Variants in GRIN3A observed in about 807,000 individuals in gnomAD.
GRIN3A encodes glutamate receptor ionotropic, NMDA 3A.
Under a neutral mutation model 92.4 loss-of-function variants are expected in GRIN3A, and 47 were observed. The observed-to-expected ratio is 0.51, with a 90% confidence interval of 0.40 to 0.65. The LOEUF (loss-of-function observed/expected upper bound fraction) is 0.65. Ranked by LOEUF, GRIN3A falls within the 30% of genes least tolerant of loss-of-function variation. GRIN3A has a pLI of 0.00. For missense variants in GRIN3A, 1,324 were observed against 1,393.1 expected (o/e 0.95, Z 0.79); for synonymous variants, 527 against 540.6 (o/e 0.97, Z 0.35).
At chr9:101,718,658 G>A (rs1564151759) in intron 1 of GRIN3A, among the ~76,000 whole-genome samples, 2 of 152,114 alleles carry the variant, frequency 1.3e-5, no homozygotes, top group Non-Finnish European at 1.5e-5. Context: ...ATATAACACT[G>A]AATCACATAG....
chr9:101,670,619 T>C lies in GRIN3A; in HGVS notation c.1793A>G (p.Tyr598Cys). The change falls in exon 3 of 9, where the codon TAT becomes TGT. Residue 598 changes from tyrosine to cysteine, a missense_variant. By Grantham distance (194) the Tyr-to-Cys change is radical. Coordinates refer to ENST00000361820, the MANE Select transcript of GRIN3A (RefSeq NM_133445.3). ...AEDMNFDFDL[Y>C]IVGDGKYGAW... is the part of the protein sequence containing the mutation. ...TCCATACTTTCCATCCCCTACAATATAGAGGTCGAAGTCAAAGTTCATGTC... is the reference window on the plus strand; with the variant it reads ...TCCATACTTTCCATCCCCTACAATACAGAGGTCGAAGTCAAAGTTCATGTC... 6.2e-7 allele frequency: 1 copy of C among 1,614,006 alleles called. No individual in the cohort carries two copies. Among genetic ancestry groups the C allele is most frequent in the Non-Finnish European group, 8.5e-7 (1 of 1,179,942 alleles).
At chr9:101,695,611 G>A (rs1345510957) in intron 1 of GRIN3A, among the ~76,000 whole-genome samples, 1 of 152,140 alleles carries the variant, frequency 6.6e-6, no homozygotes, top group East Asian at 1.9e-4. Flanking sequence ...AAATGTGACA[G>A]CAGAACCTGA....
intron 1 of GRIN3A, among the ~76,000 whole-genome samples, chr9:101,723,311 G>T (rs1434467820): frequency 6.6e-6 from 1 of 152,016 alleles, no homozygotes; most frequent in Non-Finnish European, 1.5e-5. Context: ...TGAAGCTGCA[G>T]ACCTTCGCGG....
At chr9:101,594,381 TG>T in intron 6 of GRIN3A, 1 of 1,558,942 alleles carries the variant, frequency 6.4e-7, no homozygotes, top group Non-Finnish European at 8.7e-7. Flanking sequence ...AAGCAGAAGT[TG>T]TTGGGTGGTG....
intron 3 of GRIN3A, among the ~76,000 whole-genome samples, chr9:101,658,701 G>T (rs1051029270): frequency 4.0e-5 from 6 of 151,806 alleles, no homozygotes; most frequent in Non-Finnish European, 2.9e-5. Context: ...CTGAAAGTAA[G>T]CTATGAATAA....
intron 1 of GRIN3A, among the ~76,000 whole-genome samples, chr9:101,723,896 C>T (rs1830046960): frequency 6.6e-6 from 1 of 152,242 alleles, no homozygotes; most frequent in South Asian, 2.1e-4. Context: ...AAAGGTTCTC[C>T]AAGGTCCCAC....
chr9:101,606,906 ATTTTTTTTTTTT>A (rs536780165), intron 6 of GRIN3A, among the ~76,000 whole-genome samples: 2 of 86,202 alleles, frequency 2.3e-5, no homozygotes, highest in Admixed American at 1.4e-4. Flanking sequence ...AAAAAATTAC[ATTTTTTTTTTTT>A]TTTTTTTTTT....
chr9:101,607,216 A>G (rs377726127), intron 6 of GRIN3A, among the ~76,000 whole-genome samples: 1 of 152,044 alleles, frequency 6.6e-6, no homozygotes, highest in African/African-American at 2.4e-5. Context: ...CTCTGGGGCT[A>G]CAAAGAGATG....
intron 3 of GRIN3A, among the ~76,000 whole-genome samples, chr9:101,640,681 G>A (rs1197010336): frequency 6.6e-6 from 1 of 152,148 alleles, no homozygotes; most frequent in South Asian, 2.1e-4. Flanking sequence ...GGAGGTAATT[G>A]AATCATGGGA....
chr9:101,658,822 G>C (rs574068228), intron 3 of GRIN3A, among the ~76,000 whole-genome samples: 4 of 150,810 alleles, frequency 2.7e-5, no homozygotes, highest in Admixed American at 2.6e-4. Flanking sequence ...CTTGTATTCA[G>C]TTGTGATTGA....
At chr9:101,683,010 T>C (rs1002284342) in intron 2 of GRIN3A, among the ~76,000 whole-genome samples, 3 of 152,166 alleles carry the variant, frequency 2.0e-5, no homozygotes, top group Admixed American at 6.5e-5. Flanking sequence ...AAACAAAACT[T>C]GTAAATATAT....
chr9:101,707,903 G>A (rs571377497), intron 1 of GRIN3A, among the ~76,000 whole-genome samples: 6 of 152,206 alleles, frequency 3.9e-5, no homozygotes, highest in South Asian at 2.1e-4. Flanking sequence ...CATGAAGGCC[G>A]AAGTTGCTCA....
At chr9:101,621,571 A>C (rs1308357458) in intron 5 of GRIN3A, among the ~76,000 whole-genome samples, 1 of 152,172 alleles carries the variant, frequency 6.6e-6, no homozygotes, top group Admixed American at 6.5e-5. Flanking sequence ...TCCATGCACC[A>C]TTTTGTGCTC....
intron 5 of GRIN3A, among the ~76,000 whole-genome samples, chr9:101,618,226 G>T (rs567760104): frequency 6.8e-6 from 1 of 147,348 alleles, no homozygotes; most frequent in African/African-American, 2.7e-5. Flanking sequence ...TACAGCAAAA[G>T]AAACTACCAT....
At chr9:101,665,299 C>T (rs955352531) in intron 3 of GRIN3A, among the ~76,000 whole-genome samples, 5 of 151,594 alleles carry the variant, frequency 3.3e-5, no homozygotes, top group East Asian at 1.9e-4. Context: ...AGTTTTAGGG[C>T]GCACAATTAT....
chr9:101,641,264 G>C (rs1429503496), intron 3 of GRIN3A, among the ~76,000 whole-genome samples: 3 of 152,116 alleles, frequency 2.0e-5, no homozygotes, highest in African/African-American at 7.2e-5. Flanking sequence ...AATACCATTT[G>C]ACCCAGCCAT....
chr9:101,668,991 A>T (rs561418533), intron 3 of GRIN3A, among the ~76,000 whole-genome samples: 1 of 152,290 alleles, frequency 6.6e-6, no homozygotes, highest in South Asian at 2.1e-4. Flanking sequence ...GCATTTGGAA[A>T]AGCCTGTGAA....
intron 6 of GRIN3A, among the ~76,000 whole-genome samples, chr9:101,582,619 T>C (rs1827902453): frequency 6.6e-6 from 1 of 152,192 alleles, no homozygotes; most frequent in Admixed American, 6.5e-5. Context: ...AAATAGTCCT[T>C]GACCTAGACC....
At chr9:101,693,266 T>G (rs984459760) in intron 1 of GRIN3A, among the ~76,000 whole-genome samples, 1 of 130,514 alleles carries the variant, frequency 7.7e-6, no homozygotes, top group Non-Finnish European at 1.7e-5. Flanking sequence ...TATATATATA[T>G]ATATATTGCA....
Sources: allele counts gnomAD v4.1 joint callset (sites outside exome capture counted in the v4.1 genomes callset), GRCh38; gene constraint gnomAD v4.1.1; transcripts MANE v1.5; gene names NCBI Gene and HGNC (gene_info 2026-07-23, HGNC 2026-07-21).